The following MBOAT1 variants were observed in gnomAD, a reference collection of about 807,000 sequenced individuals.
The protein encoded by MBOAT1 is membrane bound glycerophospholipid O-acyltransferase 1.
In MBOAT1, 67 loss-of-function variants were observed where a neutral mutation model predicts 64.4. The ratio of observed to expected loss-of-function variants is 1.04; its 90% CI spans 0.85 to 1.27. The LOEUF (loss-of-function observed/expected upper bound fraction) is 1.27. Among genes scored for constraint, MBOAT1 ranks in the 50% most tolerant of loss-of-function variants. The probability of loss-of-function intolerance (pLI) is 0.00; values close to 1 mark genes in which losing one functional copy is unlikely to be tolerated. For synonymous variants in MBOAT1, 229 were observed against 218.9 expected (o/e 1.05, Z -0.41); for missense variants, 563 against 604.6 (o/e 0.93, Z 0.72).
rs1199554262 is a variant in MBOAT1 at position 20,101,882 on chromosome 6, G to A, written c.*404C>T. Among the ~76,000 whole-genome samples the A allele has an allele frequency of 2.6e-5, 4 of 151,910 alleles. No individual in the cohort carries two copies. Among genetic ancestry groups the A allele is most frequent in the Admixed American group, 6.6e-5 (1 of 15,250 alleles). ...TGTAATCCCAGCACTTTGGGAGGCCGAGGCGGGCGGATCACGAGGTCAGGA... is the reference window on the plus strand; with the variant it reads ...TGTAATCCCAGCACTTTGGGAGGCCAAGGCGGGCGGATCACGAGGTCAGGA... On this transcript the variant is annotated 3_prime_UTR_variant, in exon 13 of 13. Transcript: ENST00000324607.
chr6:20,103,654 C>T (rs1396295333), intron 12 of MBOAT1, among the ~76,000 whole-genome samples: 1 of 152,152 alleles, frequency 6.6e-6, no homozygotes, highest in Non-Finnish European at 1.5e-5. Flanking sequence ...CTCGAACTCC[C>T]AGCCTCAGGT....
intron 4 of MBOAT1, among the ~76,000 whole-genome samples, chr6:20,138,995 T>C (rs1761086229): frequency 6.6e-6 from 1 of 152,192 alleles, no homozygotes; most frequent in Admixed American, 6.5e-5. Flanking sequence ...GGCCTCCATC[T>C]TGACATGGCC....
At chr6:20,143,063 A>C (rs1761224219) in intron 4 of MBOAT1, among the ~76,000 whole-genome samples, 2 of 152,192 alleles carry the variant, frequency 1.3e-5, no homozygotes, top group South Asian at 4.1e-4. Context: ...TTCACTGCCT[A>C]GTTGCCAACA....
Position 20,102,187 on chromosome 6 carries a change from T to C in MBOAT1, c.*99A>G. ...AAAAAGAACAAAATAAAGATGCATG[T>C]AAACATCGCCTCTAAGCCACCGGAG... On this transcript the variant is annotated 3_prime_UTR_variant, in exon 13 of 13. Coordinates refer to ENST00000324607, the MANE Select transcript of MBOAT1 (RefSeq NM_001080480.3). The C allele has an allele frequency of 1.8e-6, 2 of 1,112,950 alleles. No homozygotes were observed. The highest frequency in any genetic ancestry group is 3.3e-5 in the South Asian group (2 of 60,228). 68.9% of individuals were successfully genotyped at this position (1,112,950 alleles called of 1,614,324 possible).
chr6:20,129,260 T>TG (rs1178881838), intron 5 of MBOAT1, among the ~76,000 whole-genome samples: 1 of 152,042 alleles, frequency 6.6e-6, no homozygotes, highest in African/African-American at 2.4e-5. Flanking sequence ...AAAAATAAAA[T>TG]GGGGGAAATG....
At chr6:20,180,433 C>A (rs1762476591) in intron 1 of MBOAT1, among the ~76,000 whole-genome samples, 1 of 152,176 alleles carries the variant, frequency 6.6e-6, no homozygotes, top group Non-Finnish European at 1.5e-5. Flanking sequence ...CTGCTATGTT[C>A]CCTTATTGGC....
At chr6:20,184,528 G>A (rs570622847) in intron 1 of MBOAT1, among the ~76,000 whole-genome samples, 15 of 152,192 alleles carry the variant, frequency 9.9e-5, no homozygotes, top group Admixed American at 4.6e-4. Context: ...TCCCTTGAAG[G>A]ATGACAAGCC....
Position 20,124,485 on chromosome 6 carries a change from C to T in MBOAT1, c.830G>A (p.Ser277Asn). 6.2e-7 allele frequency: 1 copy of T among 1,614,200 alleles called. No homozygotes were observed. The highest frequency in any genetic ancestry group is 8.5e-7 in the Non-Finnish European group (1 of 1,180,042). ...LVDDWFVHKA[S>N]FPARLCYLYV... ...TAAGTAGCAGAGTCGAGCCGGAAAG[C>T]TTGCTTTATGGACAAACCAGTCATC... The change falls in exon 8 of 13, where the codon AGC (serine) becomes AAC (asparagine). Residue 277 changes from serine to asparagine, a missense_variant. Physicochemically the swap from Ser to Asn is conservative, Grantham distance 46 (BLOSUM62 1). Coordinates refer to ENST00000324607, the MANE Select transcript of MBOAT1 (RefSeq NM_001080480.3).
intron 3 of MBOAT1, among the ~76,000 whole-genome samples, chr6:20,150,586 G>A (rs61172248): frequency 0.081 from 11,398 of 141,452 alleles, 1,560 homozygotes; most frequent in African/African-American, 0.28. Context: ...TTTTGACAGA[G>A]GAGTTTCCCT....
chr6:20,129,561 G>GA (rs567181734), intron 5 of MBOAT1, among the ~76,000 whole-genome samples: 9,210 of 139,918 alleles, frequency 0.066, 386 homozygotes, highest in South Asian at 0.14. Flanking sequence ...CACACACCAG[G>GA]AAAAAAAAAA....
intron 1 of MBOAT1, among the ~76,000 whole-genome samples, chr6:20,178,691 A>G (rs1581448097): frequency 6.6e-6 from 1 of 152,208 alleles, no homozygotes; most frequent in Non-Finnish European, 1.5e-5. Context: ...CGGTCCTTCC[A>G]GGTATACTTC....
rs1429462968 is a variant in MBOAT1, at chr6:20,181,805, G to A, written c.100-29036C>T. ...TGTGTTTCCCAATATACAGCACTAT[G>A]AGAGGGCAGGGTATATATGTTTATA... On this transcript the variant is annotated intron_variant, in intron 1 of 12. Coordinates refer to ENST00000324607, the MANE Select transcript of MBOAT1 (RefSeq NM_001080480.3). Among the ~76,000 whole-genome samples the A allele has an allele frequency of 3.3e-5, 5 of 152,212 alleles. No homozygotes were observed. The South Asian group carries it at 8.3e-4, about 25-fold the overall frequency.
Position 20,144,277 on chromosome 6 carries a change from C to T in MBOAT1, c.362G>A (p.Cys121Tyr), listed in dbSNP as rs1406573245. 1.9e-6 allele frequency: 3 copies of T among 1,612,782 alleles called. No homozygotes were observed. The highest frequency in any genetic ancestry group is 2.5e-6 in the Non-Finnish European group (3 of 1,179,236). Residue 121 changes from cysteine to tyrosine, a missense_variant, in exon 4 of 13, where the codon TGC (cysteine) becomes TAC (tyrosine). Coordinates refer to ENST00000324607, the MANE Select transcript of MBOAT1 (RefSeq NM_001080480.3). ...FFVAMGYLTI[C>Y]HISRIYIFHY... The stretch of plus-strand genomic sequence containing the variant: ...GAAGATGTATATTCGGCTGATGTGG[C>T]ATATTGTAAGATATCCCATTGCTAC...
intron 11 of MBOAT1, among the ~76,000 whole-genome samples, chr6:20,110,140 A>G (rs2113629181): frequency 6.6e-6 from 1 of 150,620 alleles, no homozygotes; most frequent in East Asian, 2.0e-4. Context: ...CGAATTCCTG[A>G]CCTTGTGATC....
At chr6:20,128,383 C>T (rs1581408359) in intron 6 of MBOAT1, among the ~76,000 whole-genome samples, 2 of 152,008 alleles carry the variant, frequency 1.3e-5, no homozygotes, top group East Asian at 3.8e-4. Flanking sequence ...GTAAACATAA[C>T]AACCCCAGGG....
At chr6:20,143,720 T>C (rs1761246919) in intron 4 of MBOAT1, among the ~76,000 whole-genome samples, 1 of 152,096 alleles carries the variant, frequency 6.6e-6, no homozygotes, top group Non-Finnish European at 1.5e-5. Flanking sequence ...GGTTTGCCTA[T>C]GTAACAAACC....
At chr6:20,152,848 T>C in intron 1 of MBOAT1, 79 bp from the exon 2 acceptor site, 1 of 814,110 alleles carries the variant, frequency 1.2e-6, no homozygotes, top group Non-Finnish European at 1.8e-6. Context: ...TTTGTTTTGT[T>C]TTGAGACGGA....
At chr6:20,177,687 C>T (rs111747604) in intron 1 of MBOAT1, among the ~76,000 whole-genome samples, 14,327 of 148,860 alleles carry the variant, frequency 0.096, 756 homozygotes, top group South Asian at 0.17. Flanking sequence ...GGCAGGAGAA[C>T]GGCGTGAACC....
At chr6:20,156,096 G>A (rs986437680) in intron 1 of MBOAT1, among the ~76,000 whole-genome samples, 4 of 151,674 alleles carry the variant, frequency 2.6e-5, no homozygotes, top group African/African-American at 7.3e-5. Flanking sequence ...GTGAAACCCC[G>A]TCTCTACTAA....
Sources: gnomAD v4.1 joint callset for allele counts (sites outside exome capture counted in the v4.1 genomes callset) on GRCh38, gnomAD v4.1.1 for gene constraint, MANE v1.5 for transcripts, NCBI Gene and HGNC (gene_info 2026-07-23, HGNC 2026-07-21) for gene names.